The following PDE3A variants were observed in gnomAD, a reference collection of about 807,000 sequenced individuals.
The protein encoded by PDE3A is cGMP-inhibited 3',5'-cyclic phosphodiesterase 3A.
A neutral mutation model predicts 98.3 loss-of-function variants in PDE3A; 43 were observed. That is an observed-to-expected ratio of 0.44 (90% CI 0.34 to 0.56). The LOEUF (loss-of-function observed/expected upper bound fraction) is 0.56, where lower values mean the gene tolerates loss of function less well. Among genes scored for constraint, PDE3A ranks in the 20% least tolerant of loss-of-function variants. PDE3A has a pLI of 0.01. For synonymous variants in PDE3A, 663 were observed against 567.9 expected, an observed-to-expected ratio of 1.17 and a Z score of -2.38; for missense variants, 1,427 against 1,440.7, an observed-to-expected ratio of 0.99 and a Z score of 0.15.
At chr12:20,575,946 A>C (rs1668203841) in intron 2 of PDE3A, among the ~76,000 whole-genome samples, 1 of 151,936 alleles carries the variant, frequency 6.6e-6, no homozygotes, top group African/African-American at 2.4e-5. Flanking sequence ...TATGTACACA[A>C]AGAACTTACA....
chr12:20,490,131 A>C (rs572042930), intron 1 of PDE3A, among the ~76,000 whole-genome samples: 62 of 152,324 alleles, frequency 4.1e-4, no homozygotes, highest in Non-Finnish European at 5.6e-4. Flanking sequence ...AGATTGAAAG[A>C]ATTGAAGAAG....
chr12:20,480,923 C>T (rs6487095), intron 1 of PDE3A, among the ~76,000 whole-genome samples: 152,178 of 152,366 alleles, frequency 1, 75,996 homozygotes, highest in East Asian at 1. Context: ...TGACCTTAAC[C>T]AACTTGCTAG....
chr12:20,520,547 T>C (rs1946401970), intron 1 of PDE3A, among the ~76,000 whole-genome samples: 1 of 152,198 alleles, frequency 6.6e-6, no homozygotes, highest in Non-Finnish European at 1.5e-5. Flanking sequence ...AAATATTTCT[T>C]ATGTCTGCCA....
intron 1 of PDE3A, among the ~76,000 whole-genome samples, chr12:20,475,062 A>G (rs1481431828): frequency 1.3e-5 from 2 of 152,044 alleles, no homozygotes; most frequent in Non-Finnish European, 2.9e-5. Context: ...TCTTTAGGTC[A>G]CTGTTGATCA....
intron 10 of PDE3A, 139 bp downstream of exon 10, chr12:20,640,096 A>T: frequency 1.9e-6 from 1 of 526,750 alleles, no homozygotes; most frequent in Non-Finnish European, 3.4e-6. Flanking sequence ...TATGGTGATT[A>T]GGAAATATCG....
In PDE3A at chr12:20,369,445, C is replaced by G. The variant is rs1231824593; in HGVS notation, c.161C>G (p.Pro54Arg). Reference protein sequence around the residue: ...RGCWGDLVLQPLRSSRKLSSA... With the variant: ...RGCWGDLVLQRLRSSRKLSSA... Reference sequence around the variant, plus strand: ...TGCTGGGGAGACCTGGTGCTGCAGCCGCTCCGGAGCTCTCGGAAACTTTCC... The same window carrying G: ...TGCTGGGGAGACCTGGTGCTGCAGCGGCTCCGGAGCTCTCGGAAACTTTCC... Residue 54 changes from proline (P) to arginine (R), a missense_variant, in exon 1 of 16, where the codon CCG becomes CGG. Physicochemically the swap from Pro to Arg is moderately radical, Grantham distance 103 (BLOSUM62 -2). Around this residue, in one of 3 missense-constraint regions of PDE3A, gnomAD observed 1,012 missense variants for 886.5 expected, o/e 1.14. Coordinates refer to ENST00000359062, the MANE Select transcript of PDE3A (RefSeq NM_000921.5). The G allele has an allele frequency of 6.4e-7, 1 of 1,555,524 alleles. No individual in the cohort carries two copies. Among genetic ancestry groups the G allele is most frequent in the Admixed American group, 1.9e-5 (1 of 52,276 alleles).
rs117298692 is a variant in PDE3A at position 20,540,704 on chromosome 12, T to C, written c.961-15956T>C. Among the ~76,000 whole-genome samples the C allele has an allele frequency of 8.7e-4, 133 of 152,198 alleles. No homozygotes were observed. The East Asian group carries it at 0.025, about 28-fold the overall frequency. On this transcript the variant is annotated intron_variant, in intron 1 of 15. Coordinates refer to ENST00000359062, the MANE Select transcript of PDE3A (RefSeq NM_000921.5). ...AAGAATTAGAATTGTGATTCTTAAT[T>C]CTAATTCTTAAATTTCTCCACAAGT...
intron 2 of PDE3A, among the ~76,000 whole-genome samples, chr12:20,594,501 GA>G (rs2121387683): frequency 6.7e-6 from 1 of 149,634 alleles, no homozygotes; most frequent in East Asian, 2.0e-4. Context: ...AAGAACTGGA[GA>G]AAAGAGAATT....
intron 15 of PDE3A, among the ~76,000 whole-genome samples, chr12:20,664,350 G>A (rs1945254695): frequency 6.6e-6 from 1 of 152,182 alleles, no homozygotes. Context: ...TGAGGGTACT[G>A]AGAGTTAAAT....
At chr12:20,671,750 A>C (rs1317500795) in intron 15 of PDE3A, among the ~76,000 whole-genome samples, 7 of 139,300 alleles carry the variant, frequency 5.0e-5, no homozygotes, top group African/African-American at 1.9e-4. Context: ...ATCATACTGA[A>C]TGGGCAAAAA....
At chr12:20,610,345 G>GATATCACT (rs1204275792) in intron 2 of PDE3A, among the ~76,000 whole-genome samples, 2 of 151,892 alleles carry the variant, frequency 1.3e-5, no homozygotes, top group Non-Finnish European at 2.9e-5. Flanking sequence ...ACCACTATAA[G>GATATCACT]ATATCACTTC....
intron 2 of PDE3A, among the ~76,000 whole-genome samples, chr12:20,575,381 G>T (rs1942905210): frequency 6.6e-6 from 1 of 151,908 alleles, no homozygotes; most frequent in Non-Finnish European, 1.5e-5. Context: ...AGATTAAGCT[G>T]TAAGAAAAAG....
At chr12:20,549,773 T>C (rs2121247265) in intron 1 of PDE3A, among the ~76,000 whole-genome samples, 1 of 152,294 alleles carries the variant, frequency 6.6e-6, no homozygotes, top group African/African-American at 2.4e-5. Flanking sequence ...AAAGAATTTC[T>C]TTGCCCTGCA....
chr12:20,435,438 C>T (rs1436179176), intron 1 of PDE3A, among the ~76,000 whole-genome samples: 1 of 152,074 alleles, frequency 6.6e-6, no homozygotes. Context: ...TGGAACAACC[C>T]CATATTCCAC....
At chr12:20,449,823 C>T in intron 1 of PDE3A, 1 of 545,950 alleles carries the variant, frequency 1.8e-6, no homozygotes, top group Non-Finnish European at 3.3e-6. Context: ...TTCCAGTTTT[C>T]AGCACTAATT....
intron 1 of PDE3A, among the ~76,000 whole-genome samples, chr12:20,377,932 T>C (rs1399836595): frequency 6.6e-6 from 1 of 151,810 alleles, no homozygotes; most frequent in African/African-American, 2.4e-5. Flanking sequence ...TATAATTGGG[T>C]TATCTAATGT....
intron 1 of PDE3A, among the ~76,000 whole-genome samples, chr12:20,488,397 A>G (rs376651371): frequency 6.6e-6 from 1 of 152,202 alleles, no homozygotes; most frequent in Non-Finnish European, 1.5e-5. Flanking sequence ...TTAATTGCTA[A>G]TTACAGATCT....
chr12:20,381,615 C>T (rs758684047), intron 1 of PDE3A, among the ~76,000 whole-genome samples: 9 of 151,832 alleles, frequency 5.9e-5, no homozygotes, highest in Non-Finnish European at 1.2e-4. Context: ...ATGCTATTCA[C>T]GAACTCTCCT....
chr12:20,596,599 G>A (rs931269965), intron 2 of PDE3A, among the ~76,000 whole-genome samples: 1 of 152,132 alleles, frequency 6.6e-6, no homozygotes, highest in African/African-American at 2.4e-5. Context: ...GTCTCCACAA[G>A]AATCCACAAG....
Sources: allele counts gnomAD v4.1 joint callset (sites outside exome capture counted in the v4.1 genomes callset), GRCh38; gene constraint gnomAD v4.1.1; regional missense constraint gnomAD v4.1.1; transcripts MANE v1.5; gene names NCBI Gene and HGNC (gene_info 2026-07-23, HGNC 2026-07-21).